Variants in PCDHA7 observed in about 807,000 individuals in gnomAD.
PCDHA7 encodes the protein protocadherin alpha-7.
PCDHA7 carries 37 observed loss-of-function variants against 57.2 expected under a neutral mutation model. The ratio of observed to expected loss-of-function variants is 0.65; its 90% confidence interval spans 0.50 to 0.85. The LOEUF (loss-of-function observed/expected upper bound fraction) is 0.85. PCDHA7 is among the 40% of genes least tolerant of loss of function. The pLI, the probability that PCDHA7 is intolerant of heterozygous loss-of-function variation, is 0.00. For synonymous variants in PCDHA7, 553 were observed against 558.8 expected (o/e 0.99, Z 0.15); for missense variants, 1,188 against 1,241.8 (o/e 0.96, Z 0.65).
In PCDHA7 at chr5:140,852,849, T is replaced by G. The variant is rs1421796229; in HGVS notation, c.2355+16111T>G. Reference sequence around the variant, plus strand: ...CAGTCTCCTTAGAGCTAGTACTTACTAAGCATTTACTATGTCATCAATAAT... The same window carrying G: ...CAGTCTCCTTAGAGCTAGTACTTACGAAGCATTTACTATGTCATCAATAAT... On this transcript the variant is annotated intron_variant, in intron 1 of 3. Transcript: ENST00000525929. 3.1e-6 allele frequency: 3 copies of G among 967,454 alleles called. 1 individual carries two copies. Among genetic ancestry groups the G allele is most frequent in the East Asian group, 1.1e-4 (1 of 8,764 alleles). 59.9% of individuals were successfully genotyped at this position (967,454 alleles called of 1,614,324 possible).
chr5:140,848,301 G>A (rs2150408358), intron 1 of PCDHA7: 1 of 676,876 alleles, frequency 1.5e-6, no homozygotes, highest in Non-Finnish European at 2.5e-6. Flanking sequence ...GCCACGTGAT[G>A]TCACTCTTTG....
intron 1 of PCDHA7, chr5:140,966,755 C>T (rs1554228616): frequency 7.0e-7 from 1 of 1,434,520 alleles, no homozygotes; most frequent in Admixed American, 2.7e-5. Context: ...GCCTCCGCCG[C>T]GGCCAGTGGC....
chr5:140,863,793 G>A (rs2048183012), intron 1 of PCDHA7: 1 of 216,012 alleles, frequency 4.6e-6, no homozygotes, highest in East Asian at 1.1e-4. Flanking sequence ...GAGGCCAGGA[G>A]TTTGAGACCA....
At chr5:140,928,356 C>A in intron 1 of PCDHA7, 1 of 1,614,176 alleles carries the variant, frequency 6.2e-7, no homozygotes, top group South Asian at 1.1e-5. Context: ...TGGATGTTAT[C>A]TCTGAAGGGC....
chr5:140,850,570 C>T (rs2041682999), intron 1 of PCDHA7: 2 of 1,598,372 alleles, frequency 1.3e-6, no homozygotes, highest in Non-Finnish European at 8.6e-7. Context: ...CCCGAGGTGA[C>T]GCTGGTGGAT....
chr5:140,913,099 C>T (rs1413383908), intron 1 of PCDHA7, among the ~76,000 whole-genome samples: 4 of 152,132 alleles, frequency 2.6e-5, no homozygotes, highest in Non-Finnish European at 4.4e-5. Context: ...ATACTGGCCT[C>T]ATAGAATCAG....
intron 3 of PCDHA7, among the ~76,000 whole-genome samples, chr5:140,989,748 G>A (rs868949345): frequency 1.3e-4 from 20 of 152,192 alleles, no homozygotes; most frequent in African/African-American, 4.8e-4. Context: ...GCCTAATCTG[G>A]AGAAACATAT....
In PCDHA7 at chr5:140,839,923, A is replaced by G. The variant is rs2150301855; in HGVS notation, c.2355+3185A>G. ...TGAAGTAATAGAAGAAAAACCTTGAACAAAGAGTGTGCCAAGAAGGAGACA... is the reference window on the plus strand; with the variant it reads ...TGAAGTAATAGAAGAAAAACCTTGAGCAAAGAGTGTGCCAAGAAGGAGACA... On this transcript the variant is annotated intron_variant, in intron 1 of 3. Transcript: ENST00000525929. Among the ~76,000 whole-genome samples the G allele has an allele frequency of 3.2e-4, 49 of 152,178 alleles. No individual in the cohort carries two copies. In the South Asian group the frequency reaches 8.1e-3, roughly 25 times the overall value.
intron 1 of PCDHA7, chr5:140,865,770 T>C (rs1554159611): frequency 6.6e-6 from 1 of 152,200 alleles, no homozygotes; most frequent in Non-Finnish European, 1.5e-5. Context: ...GGAGATATTA[T>C]TCAAATGTGT....
At chr5:140,844,541 T>C (rs1361373728) in intron 1 of PCDHA7, among the ~76,000 whole-genome samples, 3 of 149,594 alleles carry the variant, frequency 2.0e-5, no homozygotes, top group Non-Finnish European at 4.5e-5. Flanking sequence ...TTCAACCCTT[T>C]GTTCATGAGT....
intron 1 of PCDHA7, among the ~76,000 whole-genome samples, chr5:140,893,950 T>A (rs1244558882): frequency 6.6e-6 from 1 of 152,206 alleles, no homozygotes; most frequent in Non-Finnish European, 1.5e-5. Flanking sequence ...TCTGCATGAC[T>A]TTATTAGTCA....
At chr5:140,866,236 C>T (rs1554160132) in intron 1 of PCDHA7, 1 of 152,026 alleles carries the variant, frequency 6.6e-6, no homozygotes, top group East Asian at 1.9e-4. Context: ...ATACTATATA[C>T]CAAAAATGAC....
Position 140,901,240 on chromosome 5 carries a change from C to T in PCDHA7, c.2355+64502C>T, listed in dbSNP as rs868923936. 8.9e-4 allele frequency among the ~76,000 whole-genome samples: 135 copies of T among 151,946 alleles called. 1 individual carries two copies. Among genetic ancestry groups the T allele is most frequent in the Middle Eastern group, 6.8e-3 (2 of 294 alleles). The stretch of plus-strand genomic sequence containing the variant: ...TGTGATCCCATATATCCATTTTTTT[C>T]CTTTGGTTCCCTGTGATTGTGGGGT... On this transcript the variant is annotated intron_variant, in intron 1 of 3. Transcript: ENST00000525929.
chr5:140,995,788 T>C (rs1327222255), intron 3 of PCDHA7, among the ~76,000 whole-genome samples: 1 of 152,154 alleles, frequency 6.6e-6, no homozygotes, highest in Non-Finnish European at 1.5e-5. Context: ...GGTTTAAAAT[T>C]TGTCTCATGT....
At chr5:140,929,249 G>C (rs1212088369) in intron 1 of PCDHA7, 14 of 1,613,366 alleles carry the variant, frequency 8.7e-6, no homozygotes, top group Non-Finnish European at 1.2e-5. Flanking sequence ...CTTGCCACTG[G>C]GGTAGGACTG....
At position 140,857,384 on chromosome 5, in the gene PCDHA7, G is replaced by A; in HGVS notation, c.2355+20646G>A. 7 of 1,598,500 alleles carry A rather than the reference G, an allele frequency of 4.4e-6. 1 individual carries two copies. The highest frequency in any genetic ancestry group is 2.7e-5 in the African/African-American group (2 of 74,484). On this transcript the variant is annotated intron_variant, in intron 1 of 3. Transcript: ENST00000525929. ...GGCCAGCGTGTCTGTGGAGGTGGCC[G>A]ACGTGAACGACAACGCGCCTGCGTT...
At chr5:140,943,266 AAAAAAAAAAAAG>A (rs2093453056) in intron 1 of PCDHA7, among the ~76,000 whole-genome samples, 1 of 150,226 alleles carries the variant, frequency 6.7e-6, no homozygotes, top group African/African-American at 2.5e-5. Context: ...TCAAAAAAAA[AAAAAAAAAAAAG>A]AAAGAAAGAA....
In PCDHA7 at chr5:141,010,480, A is replaced by C; in HGVS notation, c.*543A>C. The C allele has an allele frequency of 1.4e-6, 1 of 696,098 alleles. No individual in the cohort carries two copies. Among genetic ancestry groups the C allele is most frequent in the Non-Finnish European group, 2.2e-6 (1 of 452,208 alleles). 43.1% of individuals were successfully genotyped at this position (696,098 alleles called of 1,614,324 possible). A position where few individuals can be genotyped will look rare whatever the true frequency, so the allele number is the denominator to read the frequency against. On this transcript the variant is annotated 3_prime_UTR_variant, in exon 4 of 4. Transcript: ENST00000525929. ...TTATCAGTATGGAGGGGAAGTGTAA[A>C]CTTAAAGGGACCAGACTTTCTAAAT...
At chr5:141,000,103 G>A (rs551643743) in intron 3 of PCDHA7, among the ~76,000 whole-genome samples, 15 of 152,186 alleles carry the variant, frequency 9.9e-5, no homozygotes, top group Admixed American at 5.2e-4. Context: ...GCTCAACTCC[G>A]TCTCTTCCCT....
Sources: allele counts gnomAD v4.1 joint callset (sites outside exome capture counted in the v4.1 genomes callset), GRCh38; gene constraint gnomAD v4.1.1; transcripts MANE v1.5; gene names NCBI Gene and HGNC (gene_info 2026-07-23, HGNC 2026-07-21).